The following DMD variants were observed in gnomAD, a reference collection of about 807,000 sequenced individuals.
DMD encodes dystrophin, also known as mutant dystrophin.
A neutral mutation model predicts 330.1 loss-of-function variants in DMD; 63 were observed. The ratio of observed to expected loss-of-function variants is 0.19; its 90% CI spans 0.16 to 0.24. The LOEUF (loss-of-function observed/expected upper bound fraction) is 0.24. Ranked by LOEUF, DMD falls within the 10% of genes least tolerant of loss-of-function variation. The probability of loss-of-function intolerance (pLI) is 1.00; values close to 1 mark genes in which losing one functional copy is unlikely to be tolerated. For synonymous variants in DMD, 1,223 were observed against 959.8 expected, an observed-to-expected ratio of 1.27 and a Z score of -5.07; for missense variants, 3,344 against 2,684.1, an observed-to-expected ratio of 1.25 and a Z score of -5.43.
chrX:33,061,279 T>C (rs1033381157), intron 1 of DMD, among the ~76,000 whole-genome samples: 7 of 112,534 alleles, frequency 6.2e-5, no homozygotes, highest in Non-Finnish European at 1.3e-4. Flanking sequence ...TATATACACA[T>C]TCAGTAGACA....
intron 9 of DMD, among the ~76,000 whole-genome samples, chrX:32,695,188 G>T (rs2063560118): frequency 8.9e-6 from 1 of 112,092 alleles, no homozygotes; most frequent in South Asian, 3.7e-4. Context: ...TCGAGAAAGT[G>T]CAGCGTCACC....
At chrX:33,128,255 G>A (rs2148522063) in intron 1 of DMD, 1 of 1,135,322 alleles carries the variant, frequency 8.8e-7, no homozygotes, top group Admixed American at 2.7e-5. Flanking sequence ...ACATTCTATG[G>A]GGTATGGTAA....
chrX:31,588,463 T>C (rs771772678), intron 55 of DMD, among the ~76,000 whole-genome samples: 2 of 111,676 alleles, frequency 1.8e-5, no homozygotes, highest in African/African-American at 3.3e-5. Flanking sequence ...CCAGGAAATT[T>C]TGGAAATTAT....
chrX:32,606,491 C>T (rs1415836853), intron 12 of DMD, among the ~76,000 whole-genome samples: 1 of 109,486 alleles, frequency 9.1e-6, no homozygotes, highest in Non-Finnish European at 1.9e-5. Context: ...TTATGTAAAA[C>T]AGTATGGAGA....
At chrX:31,821,178 G>C (rs1443892104) in intron 49 of DMD, among the ~76,000 whole-genome samples, 1 of 112,867 alleles carries the variant, frequency 8.9e-6, no homozygotes, top group Non-Finnish European at 1.9e-5. Flanking sequence ...ACTGAGGAGA[G>C]AATTAAGTCC....
At chrX:32,301,094 C>G (rs1397772529) in intron 42 of DMD, among the ~76,000 whole-genome samples, 1 of 108,626 alleles carries the variant, frequency 9.2e-6, no homozygotes, top group Non-Finnish European at 1.9e-5. Context: ...TAATATTATG[C>G]CCGTTTTATA....
At chrX:31,521,356 T>C (rs1479570966) in intron 55 of DMD, among the ~76,000 whole-genome samples, 2 of 110,322 alleles carry the variant, frequency 1.8e-5, no homozygotes, top group Non-Finnish European at 3.8e-5. Flanking sequence ...AGAGACAGGG[T>C]TTCACCATGT....
chrX:31,120,494 A>G lies in DMD; in HGVS notation c.*1425T>C, dbSNP rs1322235977. 1 of 112,208 alleles carries G rather than the reference A, an allele frequency of 8.9e-6. No individual in the cohort carries two copies. The highest frequency in any genetic ancestry group is 3.2e-5 in the African/African-American group (1 of 30,901). 9.2% of individuals were successfully genotyped at this position (112,208 alleles called of 1,213,427 possible). On this transcript the variant is annotated 3_prime_UTR_variant, in exon 79 of 79. Transcript: ENST00000357033. ...TGTTTTACACCTTTTCCCAAAGTTT[A>G]TTTATTTTAAATTATGTCTTGTGGC...
At chrX:32,054,216 A>C (rs753553890) in intron 44 of DMD, among the ~76,000 whole-genome samples, 2 of 106,951 alleles carry the variant, frequency 1.9e-5, no homozygotes, top group Non-Finnish European at 3.9e-5. Context: ...ATTATACTTT[A>C]AGTTTTAGGG....
intron 17 of DMD, among the ~76,000 whole-genome samples, chrX:32,520,445 T>C: frequency 8.9e-6 from 1 of 112,051 alleles, no homozygotes; most frequent in East Asian, 2.8e-4. Context: ...TGTGTCTCTC[T>C]ATCTGCAAGC....
chrX:31,153,663 G>A (rs952600915), intron 74 of DMD, among the ~76,000 whole-genome samples: 9 of 112,332 alleles, frequency 8.0e-5, no homozygotes, highest in Non-Finnish European at 1.3e-4. Context: ...TTTTGTAGAT[G>A]TATAGTCAAG....
intron 53 of DMD, among the ~76,000 whole-genome samples, chrX:31,678,686 AC>A (rs2082214375): frequency 9.0e-6 from 1 of 110,990 alleles, no homozygotes; most frequent in Non-Finnish European, 1.9e-5. Flanking sequence ...CAATCCTGAT[AC>A]CCACTCACCC....
intron 2 of DMD, among the ~76,000 whole-genome samples, chrX:32,870,435 T>G (rs182857289): frequency 2.0e-4 from 22 of 112,083 alleles, no homozygotes; most frequent in African/African-American, 6.8e-4. Context: ...AAAACTGTTT[T>G]AAAATTCATA....
At chrX:31,773,462 C>G (rs181794772) in intron 51 of DMD, among the ~76,000 whole-genome samples, 43 of 111,611 alleles carry the variant, frequency 3.9e-4, no homozygotes, top group Admixed American at 1.4e-3. Flanking sequence ...TGTTACTTTT[C>G]TCTTTTTAAG....
At position 32,733,398 on chromosome X, in the gene DMD, C is replaced by G. The variant is rs1455125631; in HGVS notation, c.650-34105G>C. ...GGATACCCAGGAATTGAACTCAGCT[C>G]TGCACCAAGTGGACCTAATAGACAT... On this transcript the variant is annotated intron_variant, in intron 7 of 78. Coordinates refer to ENST00000357033, the MANE Select transcript of DMD (RefSeq NM_004006.3). Among the ~76,000 whole-genome samples, 7 of 109,884 alleles carry G rather than the reference C, an allele frequency of 6.4e-5. No individual in the cohort carries two copies. The South Asian group carries it at 2.4e-3, about 37-fold the overall frequency.
intron 44 of DMD, among the ~76,000 whole-genome samples, chrX:32,058,175 A>G (rs1364618179): frequency 9.0e-6 from 1 of 111,305 alleles, no homozygotes; most frequent in Non-Finnish European, 1.9e-5. Flanking sequence ...GGTCTTCACA[A>G]TAATTTTTTT....
chrX:32,994,150 A>C (rs756126876), intron 2 of DMD, among the ~76,000 whole-genome samples: 2 of 110,211 alleles, frequency 1.8e-5, no homozygotes, highest in Admixed American at 2.0e-4. Context: ...GAGGGGTCTT[A>C]TGGCCTACTT....
At chrX:32,579,961 C>G (rs2053477807) in intron 13 of DMD, among the ~76,000 whole-genome samples, 1 of 110,535 alleles carries the variant, frequency 9.0e-6, no homozygotes, top group African/African-American at 3.3e-5. Flanking sequence ...TCTGGAAAAG[C>G]CTTTTGTTGT....
chrX:32,490,272 C>G (rs2042871474), intron 20 of DMD, among the ~76,000 whole-genome samples: 2 of 111,992 alleles, frequency 1.8e-5, no homozygotes, highest in Non-Finnish European at 3.8e-5. Context: ...AGTCCATCCT[C>G]TAATCAGTTT....
Sources: gnomAD v4.1 joint callset for allele counts (sites outside exome capture counted in the v4.1 genomes callset) on GRCh38, gnomAD v4.1.1 for gene constraint, MANE v1.5 for transcripts, NCBI Gene and HGNC (gene_info 2026-07-23, HGNC 2026-07-21) for gene names.